The following MAGI3 variants were observed in gnomAD, a reference collection of about 807,000 sequenced individuals.
The protein encoded by MAGI3 is membrane-associated guanylate kinase, WW and PDZ domain-containing protein 3.
A neutral mutation model predicts 121.8 loss-of-function variants in MAGI3; 43 were observed. The observed-to-expected ratio is 0.35, with a 90% CI of 0.28 to 0.46. MAGI3 has a LOEUF of 0.46. Ranked by LOEUF, MAGI3 falls within the 20% of genes least tolerant of loss-of-function variation. MAGI3 has a pLI of 1.00. For missense variants in MAGI3, 1,547 were observed against 1,797.3 expected, an observed-to-expected ratio of 0.86 and a Z score of 2.52; for synonymous variants, 553 against 639.3, an observed-to-expected ratio of 0.86 and a Z score of 2.04.
At chr1:113,430,221 TG>T (rs1327968787) in intron 1 of MAGI3, among the ~76,000 whole-genome samples, 2 of 152,184 alleles carry the variant, frequency 1.3e-5, no homozygotes, top group Non-Finnish European at 2.9e-5. Flanking sequence ...GGGAAGAGGT[TG>T]GAGTAGCTGC....
intron 6 of MAGI3, among the ~76,000 whole-genome samples, chr1:113,605,982 T>C (rs957043114): frequency 5.3e-5 from 8 of 149,884 alleles, no homozygotes; most frequent in Non-Finnish European, 8.9e-5. Flanking sequence ...TATTCTTTTT[T>C]TGAGACAGAG....
At chr1:113,482,959 C>G (rs927783040) in intron 1 of MAGI3, among the ~76,000 whole-genome samples, 1 of 152,048 alleles carries the variant, frequency 6.6e-6, no homozygotes, top group Non-Finnish European at 1.5e-5. Context: ...GCATGCACTA[C>G]CATGCCCAAC....
At chr1:113,603,592 AG>A (rs1160600394) in intron 6 of MAGI3, among the ~76,000 whole-genome samples, 1 of 152,180 alleles carries the variant, frequency 6.6e-6, no homozygotes, top group Non-Finnish European at 1.5e-5. Flanking sequence ...GAAAATAGAA[AG>A]ACCCCAAAAG....
chr1:113,591,960 A>G (rs1234728270), intron 5 of MAGI3, among the ~76,000 whole-genome samples: 2 of 152,144 alleles, frequency 1.3e-5, no homozygotes, highest in African/African-American at 4.8e-5. Context: ...TAAATGTAAG[A>G]CCTGAAACTA....
intron 2 of MAGI3, among the ~76,000 whole-genome samples, chr1:113,565,487 C>G (rs1428916244): frequency 6.6e-6 from 1 of 152,158 alleles, no homozygotes; most frequent in Non-Finnish European, 1.5e-5. Context: ...CACTTTCTCT[C>G]TTTGCATTTT....
Position 113,405,182 on chromosome 1 carries a change from T to G in MAGI3, c.316+13833T>G, listed in dbSNP as rs1433992766. Among the ~76,000 whole-genome samples the G allele has an allele frequency of 3.3e-5, 5 of 152,092 alleles. No homozygotes were observed. In the East Asian group the frequency reaches 9.7e-4, roughly 30 times the overall value. On this transcript the variant is annotated intron_variant, in intron 1 of 20. Transcript: ENST00000307546. ...TTCCCTCTCCCAACACATTTTACAC[T>G]AGAATAAGATTGAAAGGCCAGATGT...
At chr1:113,680,904 CA>C (rs1298330292) in intron 19 of MAGI3, among the ~76,000 whole-genome samples, 2 of 151,974 alleles carry the variant, frequency 1.3e-5, no homozygotes, top group Non-Finnish European at 2.9e-5. Flanking sequence ...TAGAAAATTC[CA>C]AATCTGATTC....
intron 1 of MAGI3, among the ~76,000 whole-genome samples, chr1:113,416,407 T>A (rs1176123308): frequency 2.0e-4 from 4 of 20,300 alleles, no homozygotes; most frequent in African/African-American, 4.6e-4. Context: ...ATTAATTAAT[T>A]AATAATTAAT....
At position 113,681,245 on chromosome 1, in the gene MAGI3, C is replaced by T; in HGVS notation, c.3237C>T (p.Ile1079=). The T allele has an allele frequency of 6.2e-7, 1 of 1,614,042 alleles. No homozygotes were observed. Among genetic ancestry groups the T allele is most frequent in the Non-Finnish European group, 8.5e-7 (1 of 1,179,984 alleles). ...TCAATGGGGAACCTACACAAGGAAT[C>T]ACACATACTCGAGCAATTGAGCTCA... ...VEINGEPTQG[I]THTRAIELIQ... Residue 1079 remains isoleucine, a synonymous_variant, in exon 20 of 21, where the codon ATC becomes ATT. Transcript: ENST00000307546.
chr1:113,453,284 A>G (rs768697109), intron 1 of MAGI3, among the ~76,000 whole-genome samples: 2 of 152,206 alleles, frequency 1.3e-5, no homozygotes, highest in African/African-American at 2.4e-5. Context: ...CATAAACAAC[A>G]TATAATGCTT....
intron 2 of MAGI3, among the ~76,000 whole-genome samples, chr1:113,574,784 C>G (rs910871545): frequency 6.6e-6 from 1 of 152,146 alleles, no homozygotes; most frequent in Non-Finnish European, 1.5e-5. Context: ...AGTGTGTTTT[C>G]CAACTTGGTC....
chr1:113,397,122 T>C (rs1417165213), intron 1 of MAGI3, among the ~76,000 whole-genome samples: 2 of 152,172 alleles, frequency 1.3e-5, no homozygotes, highest in African/African-American at 4.8e-5. Flanking sequence ...TTTCCACCCA[T>C]GTTGGAACCA....
intron 19 of MAGI3, among the ~76,000 whole-genome samples, chr1:113,679,433 G>T (rs1053050901): frequency 2.6e-5 from 4 of 152,080 alleles, no homozygotes; most frequent in Non-Finnish European, 5.9e-5. Context: ...AAGGGGACAT[G>T]ATTTCGCTCT....
chr1:113,559,159 A>T (rs750705663), intron 2 of MAGI3, among the ~76,000 whole-genome samples: 2 of 152,240 alleles, frequency 1.3e-5, no homozygotes, highest in Admixed American at 6.5e-5. Context: ...TCTGCAAAAT[A>T]ACCAGCTAGC....
intron 1 of MAGI3, among the ~76,000 whole-genome samples, chr1:113,508,331 CCT>C (rs1657447134): frequency 6.6e-6 from 1 of 152,080 alleles, no homozygotes; most frequent in Non-Finnish European, 1.5e-5. Context: ...AGGGTAGGCA[CCT>C]CTCTTTTCAA....
intron 1 of MAGI3, among the ~76,000 whole-genome samples, chr1:113,546,627 G>A (rs939939475): frequency 1.3e-5 from 2 of 150,710 alleles, no homozygotes; most frequent in Non-Finnish European, 3.0e-5. Flanking sequence ...ATGAGCCACC[G>A]CACCCAGCCA....
intron 19 of MAGI3, among the ~76,000 whole-genome samples, chr1:113,679,082 C>A (rs553997182): frequency 6.6e-6 from 1 of 152,210 alleles, no homozygotes; most frequent in East Asian, 1.9e-4. Flanking sequence ...TTACATGTCA[C>A]CTTGAAATAT....
intron 9 of MAGI3, among the ~76,000 whole-genome samples, chr1:113,639,551 G>A (rs906454774): frequency 3.3e-5 from 5 of 151,726 alleles, no homozygotes; most frequent in African/African-American, 7.3e-5. Flanking sequence ...ACAGGCGCAC[G>A]CCACCATGCC....
intron 18 of MAGI3, 122 bp downstream of exon 18, chr1:113,672,863 A>C (rs903929421): frequency 2.3e-6 from 3 of 1,281,090 alleles, no homozygotes; most frequent in Middle Eastern, 2.2e-4. Context: ...ATTCTCGAAG[A>C]CCTGCCATGT....
Sources: gnomAD v4.1 joint callset for allele counts (sites outside exome capture counted in the v4.1 genomes callset) on GRCh38, gnomAD v4.1.1 for gene constraint, MANE v1.5 for transcripts, NCBI Gene and HGNC (gene_info 2026-07-23, HGNC 2026-07-21) for gene names.